Variants in STRN observed in about 807,000 individuals in gnomAD.
STRN encodes the protein protein phosphatase 2 regulatory subunit B'''alpha.
Under a neutral mutation model 96.3 loss-of-function variants are expected in STRN, and 53 were observed. The observed-to-expected ratio is 0.55, with a 90% CI of 0.44 to 0.69. The LOEUF is 0.69. Ranked by LOEUF, STRN falls within the 30% of genes least tolerant of loss-of-function variation. The probability of loss-of-function intolerance (pLI) is 0.00; values close to 1 mark genes in which losing one functional copy is unlikely to be tolerated. For synonymous variants in STRN, 428 were observed against 355.9 expected, an observed-to-expected ratio of 1.20 and a Z score of -2.28; for missense variants, 987 against 963.9, an observed-to-expected ratio of 1.02 and a Z score of -0.32.
intron 10 of STRN, among the ~76,000 whole-genome samples, chr2:36,872,831 C>A (rs560231487): frequency 4.6e-5 from 7 of 151,758 alleles, no homozygotes; most frequent in Non-Finnish European, 8.8e-5. Flanking sequence ...GCACTAAGGA[C>A]AAGTAGAAAA....
chr2:36,859,685 G>C (rs1243131111), intron 13 of STRN, among the ~76,000 whole-genome samples: 2 of 152,110 alleles, frequency 1.3e-5, no homozygotes, highest in South Asian at 2.1e-4. Flanking sequence ...CTTTATAAAT[G>C]TCAATATTTA....
At chr2:36,897,233 G>A (rs1235334556) in intron 6 of STRN, among the ~76,000 whole-genome samples, 3 of 151,884 alleles carry the variant, frequency 2.0e-5, no homozygotes, top group Middle Eastern at 3.4e-3. Flanking sequence ...CATTTTAATA[G>A]GATAACTTTC....
chr2:36,887,951 C>A (rs1669283473), intron 7 of STRN, among the ~76,000 whole-genome samples: 1 of 152,160 alleles, frequency 6.6e-6, no homozygotes. Flanking sequence ...GTTCATTCTA[C>A]ATTTCCATTA....
At position 36,844,873 on chromosome 2, in the gene STRN, TG is replaced by T. The variant is rs2148114682; in HGVS notation, c.*4582del. 6.6e-6 allele frequency: 1 copy of T among 152,286 alleles called. No homozygotes were observed. The highest frequency in any genetic ancestry group is 2.1e-4 in the South Asian group (1 of 4,828). The allele number at this position is 152,286 out of a possible 1,614,324, so 9.4% of individuals were successfully genotyped here. A position where few individuals can be genotyped will look rare whatever the true frequency, so the allele number is the denominator to read the frequency against. On this transcript the variant is annotated 3_prime_UTR_variant, in exon 18 of 18. Transcript: ENST00000263918. The stretch of plus-strand genomic sequence containing the variant: ...GTTTTTAAACACAGATACGTTTTTC[TG>T]GGCCTTTCTCTAAAATGAACTTTAG...
At chr2:36,920,562 C>T (rs184572255) in intron 2 of STRN, among the ~76,000 whole-genome samples, 32 of 149,686 alleles carry the variant, frequency 2.1e-4, no homozygotes, top group Admixed American at 2.1e-3. Flanking sequence ...CTCTTGAACT[C>T]GGGAGGTGCA....
chr2:36,869,438 G>A, intron 11 of STRN, 116 bp downstream of exon 11: 1 of 1,013,298 alleles, frequency 9.9e-7, no homozygotes, highest in Non-Finnish European at 1.4e-6. Flanking sequence ...ACATGACATG[G>A]AAGAAAGAAC....
At chr2:36,897,824 G>A (rs1558643158) in intron 6 of STRN, among the ~76,000 whole-genome samples, 1 of 151,944 alleles carries the variant, frequency 6.6e-6, no homozygotes, top group Non-Finnish European at 1.5e-5. Context: ...TCCTTCCTCA[G>A]CCTCCCATGC....
intron 8 of STRN, among the ~76,000 whole-genome samples, chr2:36,885,130 T>A (rs1274585287): frequency 6.6e-6 from 1 of 152,152 alleles, no homozygotes; most frequent in East Asian, 1.9e-4. Flanking sequence ...CTTCTATTAG[T>A]AGGAATATTG....
chr2:36,952,393 G>A (rs959269425), intron 1 of STRN, among the ~76,000 whole-genome samples: 6 of 145,686 alleles, frequency 4.1e-5, no homozygotes, highest in African/African-American at 1.5e-4. Flanking sequence ...AATTCACCAG[G>A]CAAACAAGGG....
intron 2 of STRN, among the ~76,000 whole-genome samples, chr2:36,919,471 T>C (rs1670191168): frequency 6.6e-6 from 1 of 151,696 alleles, no homozygotes; most frequent in Admixed American, 6.6e-5. Flanking sequence ...AAGGGACATC[T>C]TAAGTGGAAG....
At chr2:36,860,398 C>T (rs933012041) in intron 13 of STRN, among the ~76,000 whole-genome samples, 5 of 152,116 alleles carry the variant, frequency 3.3e-5, no homozygotes, top group Admixed American at 6.6e-5. Flanking sequence ...CATATTAATG[C>T]TCGTTAAATA....
chr2:36,924,766 C>A (rs1426869214), intron 2 of STRN, among the ~76,000 whole-genome samples: 2 of 151,974 alleles, frequency 1.3e-5, no homozygotes, highest in Non-Finnish European at 2.9e-5. Context: ...TTTAAGAGAC[C>A]ACCATTTTGG....
At chr2:36,896,663 T>C (rs1168827390) in intron 6 of STRN, among the ~76,000 whole-genome samples, 5 of 152,238 alleles carry the variant, frequency 3.3e-5, no homozygotes, top group East Asian at 3.9e-4. Context: ...CAAGGGGACG[T>C]GGGATTCTTT....
At chr2:36,858,115 C>G in intron 13 of STRN, 92 bp from the exon 14 acceptor site, 1 of 966,824 alleles carries the variant, frequency 1.0e-6, no homozygotes, top group Non-Finnish European at 1.5e-6. Context: ...AACAATAGCA[C>G]CTGATAACAG....
At chr2:36,888,077 G>A (rs1669286423) in intron 7 of STRN, among the ~76,000 whole-genome samples, 2 of 152,014 alleles carry the variant, frequency 1.3e-5, no homozygotes, top group Admixed American at 6.6e-5. Flanking sequence ...AATTCCATAC[G>A]TGCACTTTTT....
chr2:36,883,752 G>A (rs1669139457), intron 9 of STRN, among the ~76,000 whole-genome samples, 180 bp downstream of exon 9: 1 of 152,176 alleles, frequency 6.6e-6, no homozygotes, highest in South Asian at 2.1e-4. Flanking sequence ...CTCAAGTCTT[G>A]AAGATTGAAG....
Position 36,841,010 on chromosome 2 carries a change from A to G in STRN, c.*8446T>C, listed in dbSNP as rs1237565295. On this transcript the variant is annotated 3_prime_UTR_variant, in exon 18 of 18. Coordinates refer to ENST00000263918, the MANE Select transcript of STRN (RefSeq NM_003162.4). ...GCTATACTATCAATTGGACACCTCA[A>G]GGGCACAAAATTGCCTGGAACTACA... 6.6e-6 allele frequency: 1 copy of G among 152,216 alleles called. No individual in the cohort carries two copies. Among genetic ancestry groups the G allele is most frequent in the Admixed American group, 6.5e-5 (1 of 15,282 alleles). The allele number at this position is 152,216 out of a possible 1,614,324, so 9.4% of individuals were successfully genotyped here.
At chr2:36,881,020 G>T (rs574825912) in intron 9 of STRN, among the ~76,000 whole-genome samples, 1 of 150,932 alleles carries the variant, frequency 6.6e-6, no homozygotes, top group African/African-American at 2.4e-5. Context: ...TATAGGTCAC[G>T]TTTCCATCTG....
rs968999432 is a variant in STRN at position 36,844,305 on chromosome 2, C to T, written c.*5151G>A. The T allele has an allele frequency of 2.0e-5, 3 of 152,038 alleles. No homozygotes were observed. Among genetic ancestry groups the T allele is most frequent in the African/African-American group, 7.2e-5 (3 of 41,408 alleles). The allele number at this position is 152,038 out of a possible 1,614,324, so 9.4% of individuals were successfully genotyped here. On this transcript the variant is annotated 3_prime_UTR_variant, in exon 18 of 18. Coordinates refer to ENST00000263918, the MANE Select transcript of STRN (RefSeq NM_003162.4). ...AGTAGGGAGGGAGATGTGTGGTAGA[C>T]CAAAGACTTTCTGATTGCTGATAAT...
Sources: gnomAD v4.1 joint callset for allele counts (sites outside exome capture counted in the v4.1 genomes callset) on GRCh38, gnomAD v4.1.1 for gene constraint, MANE v1.5 for transcripts, NCBI Gene and HGNC (gene_info 2026-07-23, HGNC 2026-07-21) for gene names.